The following CAPN8 variants were observed in gnomAD, a reference collection of about 807,000 sequenced individuals.
CAPN8 encodes the protein calpain 8.
CAPN8 carries 87 observed loss-of-function variants against 80.9 expected under a neutral mutation model. That is an observed-to-expected ratio of 1.07 (90% CI 0.90 to 1.28). The LOEUF (loss-of-function observed/expected upper bound fraction) is 1.28. Among genes scored for constraint, CAPN8 ranks in the 50% most tolerant of loss-of-function variants. CAPN8 has a pLI of 0.00. For missense variants in CAPN8, 757 were observed against 702.0 expected (o/e 1.08, Z -0.89); for synonymous variants, 299 against 273.8 (o/e 1.09, Z -0.91).
In CAPN8 at chr1:223,618,004, T is replaced by C. The variant is rs1436308580; in HGVS notation, c.1135+1289A>G. The stretch of plus-strand genomic sequence containing the variant: ...GAACTTGTCAAGACCCAGCACTGCA[T>C]CCAGGTGGGGTTTTATTCTAATGCT... On this transcript the variant is annotated intron_variant, in intron 9 of 20. Coordinates refer to ENST00000366872, the MANE Select transcript of CAPN8 (RefSeq NM_001143962.2). The C allele has an allele frequency of 6.3e-5, 31 of 495,050 alleles. No individual in the cohort carries two copies. In the East Asian group the frequency reaches 9.5e-4, roughly 15 times the overall value. 30.7% of individuals were successfully genotyped at this position (495,050 alleles called of 1,614,324 possible).
Position 223,609,351 on chromosome 1 carries a change from G to A in CAPN8, c.1337C>T (p.Thr446Met), listed in dbSNP as rs1429923985. Residue 446 changes from threonine (T) to methionine (M), a missense_variant, in exon 12 of 21, where the codon ACG (threonine) becomes ATG (methionine). Transcript: ENST00000366872. ...GAAATCCCGGCCCAAGTGTGCGTCC[G>A]TGTGACTCTCCAGCTGCACGAAACA... ...YQVPKELESH[T>M]DAHLGRDFFL... is the part of the protein sequence containing the mutation. 22 of 398,572 alleles carry A rather than the reference G, an allele frequency of 5.5e-5. No homozygotes were observed. The highest frequency in any genetic ancestry group is 7.1e-5 in the East Asian group (2 of 28,064). 24.7% of individuals were successfully genotyped at this position (398,572 alleles called of 1,614,324 possible).
intron 1 of CAPN8, among the ~76,000 whole-genome samples, chr1:223,656,698 T>G (rs1398050571): frequency 6.8e-6 from 1 of 147,964 alleles, no homozygotes; most frequent in Non-Finnish European, 1.5e-5. Flanking sequence ...TTTTTTTTTT[T>G]TTTGAGACGG....
chr1:223,546,720 AT>A (rs891106925), intron 16 of CAPN8, among the ~76,000 whole-genome samples: 1 of 152,186 alleles, frequency 6.6e-6, no homozygotes, highest in African/African-American at 2.4e-5. Flanking sequence ...ACTTCCTCAA[AT>A]TTATACACCT....
chr1:223,552,021 G>T (rs1245099206), intron 14 of CAPN8, among the ~76,000 whole-genome samples: 2 of 152,216 alleles, frequency 1.3e-5, no homozygotes, highest in African/African-American at 4.8e-5. Context: ...ATGGAGAGCA[G>T]ATCTCAGGCA....
chr1:223,637,610 G>A (rs1014341506), intron 2 of CAPN8, among the ~76,000 whole-genome samples: 1 of 152,098 alleles, frequency 6.6e-6, no homozygotes, highest in Non-Finnish European at 1.5e-5. Context: ...TCTTGCACCA[G>A]CCTCCAACCC....
At chr1:223,656,668 GTTTTTTTGTTTTGTTT>G (rs1375061629) in intron 1 of CAPN8, among the ~76,000 whole-genome samples, 3 of 94,798 alleles carry the variant, frequency 3.2e-5, no homozygotes, top group African/African-American at 1.1e-4. Context: ...CACGTTTTGG[GTTTTTTTGTTTTGTTT>G]TTTTTTTTTT....
chr1:223,622,950 C>A, intron 6 of CAPN8, 50 bp from the exon 7 acceptor site: 1 of 1,434,696 alleles, frequency 7.0e-7, no homozygotes, highest in South Asian at 1.2e-5. Context: ...GCTCCTGTTG[C>A]CTTGCAGGCA....
At chr1:223,549,108 G>A (rs1325314329) in intron 16 of CAPN8, among the ~76,000 whole-genome samples, 3 of 152,004 alleles carry the variant, frequency 2.0e-5, no homozygotes, top group African/African-American at 4.8e-5. Flanking sequence ...CCTGTGAAAC[G>A]GAGATAATCT....
intron 6 of CAPN8, among the ~76,000 whole-genome samples, chr1:223,624,645 T>C (rs557798353): frequency 6.7e-6 from 1 of 149,104 alleles, no homozygotes; most frequent in Non-Finnish European, 1.5e-5. Context: ...GCCCAGGAGG[T>C]TGAGGCTGCA....
intron 2 of CAPN8, among the ~76,000 whole-genome samples, chr1:223,635,186 G>A (rs1220909713): frequency 6.6e-6 from 1 of 152,198 alleles, no homozygotes; most frequent in Non-Finnish European, 1.5e-5. Flanking sequence ...ACAGAAGGCT[G>A]CTCTAAATGT....
At chr1:223,635,009 T>C (rs1307506169) in intron 2 of CAPN8, among the ~76,000 whole-genome samples, 4 of 152,220 alleles carry the variant, frequency 2.6e-5, no homozygotes, top group Non-Finnish European at 4.4e-5. Flanking sequence ...CCATGGAAAC[T>C]GGGGCTCCTC....
chr1:223,654,084 G>A (rs1399588787), intron 2 of CAPN8, among the ~76,000 whole-genome samples: 1 of 152,192 alleles, frequency 6.6e-6, no homozygotes, highest in African/African-American at 2.4e-5. Flanking sequence ...CATTAAAGTG[G>A]TTAAATGAAC....
intron 2 of CAPN8, among the ~76,000 whole-genome samples, chr1:223,631,280 C>T (rs2102717427): frequency 6.6e-6 from 1 of 152,234 alleles, no homozygotes; most frequent in Admixed American, 6.5e-5. Flanking sequence ...TCCTAAAGAC[C>T]TTATTTACGC....
At chr1:223,663,848 G>A (rs1658716882) in intron 1 of CAPN8, among the ~76,000 whole-genome samples, 1 of 152,164 alleles carries the variant, frequency 6.6e-6, no homozygotes. Context: ...TAGCTAGCTG[G>A]AGTTAAATAG....
intron 18 of CAPN8, 93 bp from the exon 19 acceptor site, chr1:223,544,276 T>A: frequency 1.5e-6 from 1 of 671,360 alleles, no homozygotes; most frequent in Non-Finnish European, 2.7e-6. Context: ...CAGGGGCCCC[T>A]CTGTGGTTCT....
At chr1:223,544,275 C>G (rs1169057269) in intron 18 of CAPN8, 92 bp from the exon 19 acceptor site, 1 of 672,928 alleles carries the variant, frequency 1.5e-6, no homozygotes, top group Non-Finnish European at 2.7e-6. Context: ...CCAGGGGCCC[C>G]TCTGTGGTTC....
intron 6 of CAPN8, among the ~76,000 whole-genome samples, chr1:223,624,724 A>AATAAATAAATAAATAC (rs1558345546): frequency 1.4e-5 from 2 of 140,698 alleles, no homozygotes; most frequent in African/African-American, 3.0e-5. Flanking sequence ...TAAATAAATA[A>AATAAATAAATAAATAC]ATAAATAAAT....
chr1:223,630,636 A>G (rs764658311), intron 2 of CAPN8, among the ~76,000 whole-genome samples: 7 of 151,980 alleles, frequency 4.6e-5, no homozygotes, highest in African/African-American at 1.7e-4. Flanking sequence ...ATGCCTGGCC[A>G]TATTACTTTT....
chr1:223,615,634 C>A, intron 10 of CAPN8: 2 of 454,004 alleles, frequency 4.4e-6, no homozygotes, highest in Non-Finnish European at 4.4e-6. Flanking sequence ...ACCTCAAGTG[C>A]CTTATGCCCC....
Sources: gnomAD v4.1 joint callset for allele counts (sites outside exome capture counted in the v4.1 genomes callset) on GRCh38, gnomAD v4.1.1 for gene constraint, MANE v1.5 for transcripts, NCBI Gene and HGNC (gene_info 2026-07-23, HGNC 2026-07-21) for gene names.